SNX5: variants seen among roughly 807,000 people sequenced by gnomAD.
SNX5 encodes sorting nexin-5.
Under a neutral mutation model 53.9 loss-of-function variants are expected in SNX5, and 31 were observed. The observed-to-expected ratio is 0.58, with a 90% CI of 0.43 to 0.78. The LOEUF (loss-of-function observed/expected upper bound fraction) is 0.78, where lower values mean the gene tolerates loss of function less well. Ranked by LOEUF, SNX5 falls within the 30% of genes least tolerant of loss-of-function variation. The pLI, the probability that SNX5 is intolerant of heterozygous loss-of-function variation, is 0.00. For missense variants in SNX5, 471 were observed against 478.8 expected (o/e 0.98, Z 0.15); for synonymous variants, 168 against 171.1 (o/e 0.98, Z 0.14).
In SNX5 at chr20:17,949,016, T is replaced by A. The variant is rs766088211; in HGVS notation, c.832-40A>T. On this transcript the variant is annotated intron_variant, in intron 9 of 12. Coordinates refer to ENST00000377759, the MANE Select transcript of SNX5 (RefSeq NM_014426.4). ...AAAGGTCACCATCAAGGCAGAAAGC[T>A]ATAGATTATAAAATATATATTATGA... 13 of 1,608,314 alleles carry A rather than the reference T, an allele frequency of 8.1e-6. No individual in the cohort carries two copies. In the Middle Eastern group the frequency reaches 9.6e-4, roughly 119 times the overall value.
Position 17,968,504 on chromosome 20 carries a change from C to T in SNX5, c.-79G>A. 3 of 1,256,058 alleles carry T rather than the reference C, an allele frequency of 2.4e-6. No homozygotes were observed. The highest frequency in any genetic ancestry group is 3.0e-6 in the Non-Finnish European group (3 of 988,418). The allele number at this position is 1,256,058 out of a possible 1,614,324, so 77.8% of individuals were successfully genotyped here. On this transcript the variant is annotated 5_prime_UTR_variant, in exon 1 of 13. Transcript: ENST00000377759. ...TGGGCCGCCGCCGCCGCCGCCTGGG[C>T]GCCTCTCGGGGGCGGCCACGGCCCC...
intron 1 of SNX5, chr20:17,961,797 G>C (rs753523631): frequency 4.3e-4 from 425 of 985,282 alleles, no homozygotes; most frequent in Non-Finnish European, 4.7e-4. Flanking sequence ...GCCAGCAAGA[G>C]GGCCAATATG....
At chr20:17,953,872 C>CT (rs2035307568) in intron 4 of SNX5, 124 bp downstream of exon 4, 3 of 769,662 alleles carry the variant, frequency 3.9e-6, no homozygotes. Flanking sequence ...GAAAACGACG[C>CT]TAGGGACCTA....
chr20:17,956,764 A>T (rs1282560394), intron 2 of SNX5, among the ~76,000 whole-genome samples, 169 bp downstream of exon 2: 1 of 151,484 alleles, frequency 6.6e-6, no homozygotes, highest in Non-Finnish European at 1.5e-5. Flanking sequence ...TGCCGCCACA[A>T]TGGCACTCAC....
intron 1 of SNX5, among the ~76,000 whole-genome samples, chr20:17,965,663 C>T (rs1324484425): frequency 3.0e-5 from 4 of 132,106 alleles, no homozygotes; most frequent in African/African-American, 1.3e-4. Context: ...AGAGCCAGAC[C>T]CTGTCTCAAA....
chr20:17,942,329 CATTT>C lies in SNX5; in HGVS notation c.*24_*27del. The C allele has an allele frequency of 6.8e-7, 1 of 1,479,872 alleles. No individual in the cohort carries two copies. The highest frequency in any genetic ancestry group is 9.5e-7 in the Non-Finnish European group (1 of 1,058,088). The allele number at this position is 1,479,872 out of a possible 1,614,324, so 91.7% of individuals were successfully genotyped here. ...GTGATGCTTGGCTTTCTTTCACATT[CATTT>C]CTTTTCTTCTGAGTGAAGGCATATC... On this transcript the variant is annotated 3_prime_UTR_variant, in exon 13 of 13. Transcript: ENST00000377759.
intron 1 of SNX5, chr20:17,962,016 T>A (rs1419730319): frequency 1.0e-6 from 1 of 967,730 alleles, no homozygotes; most frequent in Non-Finnish European, 1.2e-6. Flanking sequence ...CACATGCTAC[T>A]TTGTTACTGT....
At chr20:17,951,380 G>C (rs912582906) in intron 6 of SNX5, 120 bp downstream of exon 6, 6 of 656,448 alleles carry the variant, frequency 9.1e-6, no homozygotes, top group African/African-American at 1.8e-5. Context: ...AAAATCTGAA[G>C]AACACTTACA....
intron 1 of SNX5, chr20:17,961,587 T>C (rs1038160759): frequency 9.3e-6 from 9 of 971,460 alleles, no homozygotes; most frequent in African/African-American, 3.6e-5. Flanking sequence ...CCTATTTGAA[T>C]ATCCCACATA....
chr20:17,955,338 G>C, intron 3 of SNX5, 27 bp downstream of exon 3: 1 of 1,521,170 alleles, frequency 6.6e-7, no homozygotes, highest in Non-Finnish European at 9.1e-7. Context: ...GAAAGAACTA[G>C]CTTATTTGAT....
chr20:17,944,451 A>C (rs1173481029), intron 11 of SNX5: 1 of 152,208 alleles, frequency 6.6e-6, no homozygotes. Flanking sequence ...AAAACTTAAA[A>C]CATTTTTAAA....
intron 1 of SNX5, among the ~76,000 whole-genome samples, chr20:17,966,409 C>A (rs2035538089): frequency 6.6e-6 from 1 of 151,702 alleles, no homozygotes; most frequent in African/African-American, 2.4e-5. Flanking sequence ...AATCAAAAAC[C>A]AGTAAATAGA....
intron 3 of SNX5, among the ~76,000 whole-genome samples, chr20:17,954,776 C>T (rs2035325232): frequency 6.6e-6 from 1 of 152,088 alleles, no homozygotes; most frequent in Admixed American, 6.6e-5. Context: ...CGTGGCACGG[C>T]CTCGGCTTAC....
At chr20:17,949,574 A>ATAC (rs1420469625) in intron 8 of SNX5, among the ~76,000 whole-genome samples, 6 of 152,232 alleles carry the variant, frequency 3.9e-5, no homozygotes, top group African/African-American at 1.2e-4. Context: ...ACTGAAACAC[A>ATAC]TACATAAGTG....
chr20:17,951,062 G>C lies in SNX5; in HGVS notation c.609+438C>G, dbSNP rs140572494. The C allele has an allele frequency of 4.3e-3, 687 of 160,786 alleles. 6 individuals are homozygous for C. The highest frequency in any genetic ancestry group is 0.016 in the African/African-American group (669 of 41,676). 10.0% of individuals were successfully genotyped at this position (160,786 alleles called of 1,614,324 possible). Reference sequence around the variant, plus strand: ...AACGTTATTTTGTATTCTTGTCTTTGTGCTAACGCCTTGAAATCCAGTATG... The same window carrying C: ...AACGTTATTTTGTATTCTTGTCTTTCTGCTAACGCCTTGAAATCCAGTATG... On this transcript the variant is annotated intron_variant, in intron 6 of 12. Transcript: ENST00000377759.
Position 17,956,991 on chromosome 20 carries a change from A to G in SNX5, c.98T>C (p.Ile33Thr). ...CTCACTGAGCGCATCAGGTATGTCA[A>G]TCTGAAGCGAGGGATCAACATTCAG... ...VDLNVDPSLQIDIPDALSERD... is the reference protein window; with the variant it reads ...VDLNVDPSLQTDIPDALSERD... Residue 33 changes from isoleucine (I) to threonine (T), a missense_variant, in exon 2 of 13, where the codon ATT becomes ACT. Physicochemically the swap from Ile to Thr is moderately conservative, Grantham distance 89. Coordinates refer to ENST00000377759, the MANE Select transcript of SNX5 (RefSeq NM_014426.4). 3 of 1,610,884 alleles carry G rather than the reference A, an allele frequency of 1.9e-6. No individual in the cohort carries two copies. The highest frequency in any genetic ancestry group is 2.7e-5 in the African/African-American group (2 of 74,984).
At chr20:17,946,349 G>C (rs1042106606) in intron 11 of SNX5, among the ~76,000 whole-genome samples, 1 of 152,156 alleles carries the variant, frequency 6.6e-6, no homozygotes, top group African/African-American at 2.4e-5. Context: ...AAGAACCCTG[G>C]CTCCTTGAAA....
At chr20:17,944,558 TTTC>T (rs1304352408) in intron 11 of SNX5, 1 of 152,214 alleles carries the variant, frequency 6.6e-6, no homozygotes, top group African/African-American at 2.4e-5. Flanking sequence ...TTTCTTTTTT[TTTC>T]TTGAGACGGA....
chr20:17,950,629 G>A (rs1182341790), intron 6 of SNX5, among the ~76,000 whole-genome samples: 1 of 152,186 alleles, frequency 6.6e-6, no homozygotes, highest in African/African-American at 2.4e-5. Flanking sequence ...ACAACCACCA[G>A]TAAAACTGGC....
Sources: gnomAD v4.1 joint callset for allele counts (sites outside exome capture counted in the v4.1 genomes callset) on GRCh38, gnomAD v4.1.1 for gene constraint, MANE v1.5 for transcripts, NCBI Gene and HGNC (gene_info 2026-07-23, HGNC 2026-07-21) for gene names.